PSMF1: variants seen among roughly 807,000 people sequenced by gnomAD.
PSMF1 encodes proteasome inhibitor subunit 1, also known as proteasome inhibitor PI31 subunit.
Under a neutral mutation model 29.3 loss-of-function variants are expected in PSMF1, and 30 were observed. The observed-to-expected ratio is 1.02, with a 90% CI of 0.77 to 1.39. The LOEUF (loss-of-function observed/expected upper bound fraction) is 1.39. Ranked by LOEUF, PSMF1 falls within the 40% of genes most tolerant of loss-of-function variation. The pLI, the probability that PSMF1 is intolerant of heterozygous loss-of-function variation, is 0.00. For missense variants in PSMF1, 344 were observed against 357.5 expected, an observed-to-expected ratio of 0.96 and a Z score of 0.31; for synonymous variants, 134 against 139.7, an observed-to-expected ratio of 0.96 and a Z score of 0.29.
In PSMF1 at chr20:1,169,473, C is replaced by T. The variant is rs958998397; in HGVS notation, c.*4393C>T. On this transcript the variant is annotated 3_prime_UTR_variant, in exon 7 of 7. Coordinates refer to ENST00000335877, the MANE Select transcript of PSMF1 (RefSeq NM_006814.5). ...GAACAGCTGCGTTCCAGATGAGCCACCTAAGGTGGATGTTGTGAGAGTCAC... is the reference window on the plus strand; with the variant it reads ...GAACAGCTGCGTTCCAGATGAGCCATCTAAGGTGGATGTTGTGAGAGTCAC... Among the ~76,000 whole-genome samples, 6 of 152,126 alleles carry T rather than the reference C, an allele frequency of 3.9e-5. No homozygotes were observed. The highest frequency in any genetic ancestry group is 4.8e-5 in the African/African-American group (2 of 41,410).
Position 1,166,226 on chromosome 20 carries a change from G to C in PSMF1, c.*1146G>C. 6.2e-7 allele frequency: 1 copy of C among 1,612,426 alleles called. No homozygotes were observed. Among genetic ancestry groups the C allele is most frequent in the South Asian group, 1.1e-5 (1 of 90,894 alleles). ...TTTGGTGTTCTCCGGATCCTTTTCAGCCCGAGGCCTGACAGACGCGGGCAG... is the reference window on the plus strand; with the variant it reads ...TTTGGTGTTCTCCGGATCCTTTTCACCCCGAGGCCTGACAGACGCGGGCAG... On this transcript the variant is annotated 3_prime_UTR_variant, in exon 7 of 7. Coordinates refer to ENST00000335877, the MANE Select transcript of PSMF1 (RefSeq NM_006814.5).
intron 1 of PSMF1, among the ~76,000 whole-genome samples, chr20:1,120,865 A>G (rs1600138055): frequency 1.3e-5 from 2 of 152,062 alleles, no homozygotes; most frequent in African/African-American, 4.8e-5. Flanking sequence ...TCAGAACCCC[A>G]TCCACCTCTG....
At chr20:1,139,026 A>G (rs917233388) in intron 4 of PSMF1, among the ~76,000 whole-genome samples, 2 of 151,966 alleles carry the variant, frequency 1.3e-5, no homozygotes, top group African/African-American at 2.4e-5. Context: ...AAATATATAA[A>G]TAATCTGGGC....
Position 1,166,068 on chromosome 20 carries a change from C to A in PSMF1, c.*988C>A, listed in dbSNP as rs776287477. 1.7e-5 allele frequency: 26 copies of A among 1,501,292 alleles called. No homozygotes were observed. The highest frequency in any genetic ancestry group is 2.3e-5 in the Non-Finnish European group (26 of 1,120,764). 93.0% of individuals were successfully genotyped at this position (1,501,292 alleles called of 1,614,324 possible). On this transcript the variant is annotated 3_prime_UTR_variant, in exon 7 of 7. Coordinates refer to ENST00000335877, the MANE Select transcript of PSMF1 (RefSeq NM_006814.5). ...TACTTCCCTTGAACCTTGTGTGGTT[C>A]TTGCCTAACTCTGTGGTTTTTGGAC...
At chr20:1,143,981 C>T (rs906771182) in intron 4 of PSMF1, among the ~76,000 whole-genome samples, 3 of 152,010 alleles carry the variant, frequency 2.0e-5, no homozygotes, top group Admixed American at 6.6e-5. Context: ...CCCAGCTACT[C>T]GGGAGGCTGA....
At chr20:1,156,918 G>A (rs1208703839) in intron 4 of PSMF1, among the ~76,000 whole-genome samples, 1 of 152,160 alleles carries the variant, frequency 6.6e-6, no homozygotes, top group African/African-American at 2.4e-5. Flanking sequence ...TTCTCTTAGA[G>A]GGACAGAACT....
intron 1 of PSMF1, among the ~76,000 whole-genome samples, 170 bp downstream of exon 1, chr20:1,119,072 A>T (rs1358580466): frequency 2.0e-5 from 3 of 152,164 alleles, no homozygotes; most frequent in Non-Finnish European, 4.4e-5. Context: ...CACCTGCCCC[A>T]TCCCAGCCCA....
At position 1,167,354 on chromosome 20, in the gene PSMF1, TGAGA is replaced by T. The variant is rs2086743341; in HGVS notation, c.*2275_*2278del. The T allele has an allele frequency of 6.6e-6, 1 of 152,162 alleles. No individual in the cohort carries two copies. Among genetic ancestry groups the T allele is most frequent in the African/African-American group, 2.4e-5 (1 of 41,418 alleles). The allele number at this position is 152,162 out of a possible 1,614,324, so 9.4% of individuals were successfully genotyped here. Reference sequence around the variant, plus strand: ...CTCCTTTTTTAAATAGCAGCTTTATTGAGATATAATTTACATACCCATAATTTAC... The same window carrying T: ...CTCCTTTTTTAAATAGCAGCTTTATTTATAATTTACATACCCATAATTTAC... On this transcript the variant is annotated 3_prime_UTR_variant, in exon 7 of 7. Transcript: ENST00000335877.
intron 4 of PSMF1, chr20:1,160,576 C>T (rs773386181): frequency 1.1e-5 from 5 of 470,610 alleles, no homozygotes; most frequent in African/African-American, 6.0e-5. Flanking sequence ...GCTCCTCCAC[C>T]GATCACAATG....
intron 1 of PSMF1, among the ~76,000 whole-genome samples, chr20:1,121,374 T>A (rs1382688546): frequency 1.3e-5 from 2 of 151,556 alleles, no homozygotes; most frequent in Non-Finnish European, 2.9e-5. Context: ...CAAACTAGAG[T>A]GTGGTGTATT....
upstream of PSMF1, among the ~76,000 whole-genome samples, chr20:1,115,599 A>G (rs2086003350): frequency 6.6e-6 from 1 of 152,204 alleles, no homozygotes; most frequent in Non-Finnish European, 1.5e-5. Flanking sequence ...AAGTGCAATT[A>G]ATCATGGGCA....
chr20:1,133,569 A>ATATATATATATATAT, intron 3 of PSMF1, among the ~76,000 whole-genome samples: 32 of 53,274 alleles, frequency 6.0e-4, no homozygotes, highest in Admixed American at 2.0e-3. Context: ...ATATATATAT[A>ATATATATATATATAT]TTTTTTTTTT....
At chr20:1,123,447 A>G (rs1281317918) in intron 1 of PSMF1, among the ~76,000 whole-genome samples, 1 of 152,222 alleles carries the variant, frequency 6.6e-6, no homozygotes, top group African/African-American at 2.4e-5. Flanking sequence ...AAAAAAGATT[A>G]TAGCATTTTT....
At chr20:1,148,708 C>G (rs1256539960) in intron 4 of PSMF1, among the ~76,000 whole-genome samples, 2 of 152,068 alleles carry the variant, frequency 1.3e-5, no homozygotes, top group African/African-American at 4.8e-5. Flanking sequence ...GTATGTCAAG[C>G]ATTTCTAATT....
intron 1 of PSMF1, 103 bp from the exon 2 acceptor site, chr20:1,125,395 A>G: frequency 8.0e-7 from 1 of 1,248,980 alleles, no homozygotes; most frequent in Non-Finnish European, 1.1e-6. Flanking sequence ...CCACATCTTC[A>G]TCTGTGAAGT....
chr20:1,121,102 A>G (rs1358228474), intron 1 of PSMF1, among the ~76,000 whole-genome samples: 18 of 152,010 alleles, frequency 1.2e-4, no homozygotes, highest in Non-Finnish European at 1.5e-5. Flanking sequence ...TGAAATGTAC[A>G]GAAAGAATAC....
At chr20:1,136,965 A>C (rs2086315147) in intron 4 of PSMF1, among the ~76,000 whole-genome samples, 1 of 152,240 alleles carries the variant, frequency 6.6e-6, no homozygotes, top group South Asian at 2.1e-4. Context: ...ACATTCAGAT[A>C]ATTTATTTAG....
Position 1,167,020 on chromosome 20 carries a change from CA to C in PSMF1, c.*1944del, listed in dbSNP as rs1475990196. The stretch of plus-strand genomic sequence containing the variant: ...CAAAGTCCGAAAAGATAGTTATATA[CA>C]AAATTCTGTTTTCTGAAAACAAAAT... On this transcript the variant is annotated 3_prime_UTR_variant, in exon 7 of 7. Transcript: ENST00000335877. 2 of 152,188 alleles carry C rather than the reference CA, an allele frequency of 1.3e-5. No homozygotes were observed. The highest frequency in any genetic ancestry group is 2.9e-5 in the Non-Finnish European group (2 of 68,026). 9.4% of individuals were successfully genotyped at this position (152,188 alleles called of 1,614,324 possible).
chr20:1,122,519 C>T (rs1244317906), intron 1 of PSMF1, among the ~76,000 whole-genome samples: 6 of 152,000 alleles, frequency 3.9e-5, no homozygotes, highest in Admixed American at 6.5e-5. Context: ...AGGCTGGTCT[C>T]GAACTCCTGA....
Sources: allele counts gnomAD v4.1 joint callset (sites outside exome capture counted in the v4.1 genomes callset), GRCh38; gene constraint gnomAD v4.1.1; transcripts MANE v1.5; gene names NCBI Gene and HGNC (gene_info 2026-07-23, HGNC 2026-07-21).